FRMPD4: variants seen among roughly 807,000 people sequenced by gnomAD.
FRMPD4 encodes the protein FERM and PDZ domain-containing protein 4.
In FRMPD4, 22 loss-of-function variants were observed where a neutral mutation model predicts 94.1. That is an observed-to-expected ratio of 0.23 (90% CI 0.17 to 0.33). The LOEUF is 0.33. Among genes scored for constraint, FRMPD4 ranks in the 10% least tolerant of loss-of-function variants. The pLI is 1.00. For missense variants in FRMPD4, 1,111 were observed against 1,339.9 expected, an observed-to-expected ratio of 0.83 and a Z score of 2.67; for synonymous variants, 631 against 548.6, an observed-to-expected ratio of 1.15 and a Z score of -2.10.
intron 4 of FRMPD4, among the ~76,000 whole-genome samples, chrX:12,630,026 G>A (rs187822939): frequency 2.7e-4 from 31 of 112,816 alleles, no homozygotes; most frequent in Admixed American, 2.7e-3. Flanking sequence ...CACTGAAACT[G>A]AGAGTTTGGC....
At position 12,174,152 on chromosome X, in the gene FRMPD4, A is replaced by G. The variant is rs140474010; in HGVS notation, c.41+35140A>G. Among the ~76,000 whole-genome samples the G allele has an allele frequency of 7.5e-3, 841 of 112,104 alleles. 7 individuals carry two copies. Among genetic ancestry groups the G allele is most frequent in the African/African-American group, 0.027 (820 of 30,825 alleles). ...TTTGGGCCATATGGTCTCTTTCACA[A>G]CTATTCAACTCTGCCCATGTAGTGT... On this transcript the variant is annotated intron_variant, in intron 1 of 16. Coordinates refer to ENST00000675598, the MANE Select transcript of FRMPD4 (RefSeq NM_001368397.1).
intron 1 of FRMPD4, among the ~76,000 whole-genome samples, chrX:11,832,425 A>T (rs2053480408): frequency 8.9e-6 from 1 of 111,748 alleles, no homozygotes; most frequent in Non-Finnish European, 1.9e-5. Context: ...AGCACAGACG[A>T]GATGACCTTT....
chrX:12,670,943 C>T (rs1484818204), intron 4 of FRMPD4, among the ~76,000 whole-genome samples: 1 of 112,555 alleles, frequency 8.9e-6, no homozygotes, highest in Non-Finnish European at 1.9e-5. Flanking sequence ...TGAACAAACA[C>T]TTCTCAAAAG....
At chrX:12,235,095 C>T (rs945973071) in intron 1 of FRMPD4, among the ~76,000 whole-genome samples, 6 of 111,769 alleles carry the variant, frequency 5.4e-5, no homozygotes, top group Admixed American at 9.5e-5. Context: ...TTAATGTGTT[C>T]GTATTGCCAT....
intron 1 of FRMPD4, among the ~76,000 whole-genome samples, chrX:12,449,725 C>T (rs773317489): frequency 1.8e-4 from 20 of 111,615 alleles, no homozygotes; most frequent in East Asian, 2.8e-4. Context: ...GGGTGACTCA[C>T]GCCTCTAATT....
intron 1 of FRMPD4, among the ~76,000 whole-genome samples, chrX:12,378,630 A>T (rs1378539781): frequency 8.9e-6 from 1 of 112,370 alleles, no homozygotes; most frequent in East Asian, 2.8e-4. Flanking sequence ...GGAACATGTA[A>T]GCTGAGGGGA....
chrX:11,860,546 T>G (rs771779520), intron 1 of FRMPD4, among the ~76,000 whole-genome samples: 1 of 112,223 alleles, frequency 8.9e-6, no homozygotes, highest in South Asian at 3.7e-4. Context: ...TTAGAGCCAG[T>G]TGGCACCTGA....
intron 1 of FRMPD4, among the ~76,000 whole-genome samples, chrX:12,280,247 A>AAATAATAATAAT (rs374670611): frequency 0.035 from 3,573 of 102,141 alleles, 65 homozygotes; most frequent in Admixed American, 0.076. Context: ...GGCTGCTTTA[A>AAATAATAATAAT]AATAATAATA....
At position 12,710,424 on chromosome X, in the gene FRMPD4, C is replaced by T. The variant is rs759345370; in HGVS notation, c.1496C>T (p.Ser499Leu). The change falls in exon 14 of 17, where the codon TCA becomes TTA. Residue 499 changes from serine to leucine, a missense_variant. By Grantham distance (145) the Ser-to-Leu change is moderately radical. This residue lies in a region of FRMPD4 where 111 missense variants were observed against 160.7 expected (regional missense o/e 0.69). Transcript: ENST00000675598. ...CCTATCACGCTTCTGATGGAATCCT[C>T]AGATGCCATGAACCTGGCCTGCTTG... ...VKPITLLMES[S>L]DAMNLACLTA... 1.7e-6 allele frequency: 2 copies of T among 1,203,534 alleles called. No homozygotes were observed. The highest frequency in any genetic ancestry group is 2.3e-6 in the Non-Finnish European group (2 of 888,356).
intron 1 of FRMPD4, among the ~76,000 whole-genome samples, chrX:12,310,319 G>A (rs1489584871): frequency 1.8e-5 from 2 of 110,703 alleles, no homozygotes; most frequent in East Asian, 5.7e-4. Context: ...GGCAAGGACC[G>A]GCCATTTTCA....
intron 3 of FRMPD4, among the ~76,000 whole-genome samples, chrX:11,889,631 TA>T (rs2053863601): frequency 8.9e-6 from 1 of 112,450 alleles, no homozygotes; most frequent in Non-Finnish European, 1.9e-5. Flanking sequence ...CACAATGGCT[TA>T]AAACAACAAA....
At position 12,191,645 on chromosome X, in the gene FRMPD4, G is replaced by T. The variant is rs1033941856; in HGVS notation, c.41+52633G>T. On this transcript the variant is annotated intron_variant, in intron 1 of 16. Transcript: ENST00000675598. ...TAAATGAAATAAGCCAATGTGAGAA[G>T]GCTATAATACTGTGTGATTTCAACT... Among the ~76,000 whole-genome samples the T allele has an allele frequency of 2.8e-5, 3 of 106,859 alleles. No homozygotes were observed. The Admixed American group carries it at 3.1e-4, about 11-fold the overall frequency. 92.8% of individuals were successfully genotyped at this position (106,859 alleles called of 115,157 possible).
At chrX:12,357,225 T>G (rs2055908302) in intron 1 of FRMPD4, among the ~76,000 whole-genome samples, 1 of 112,044 alleles carries the variant, frequency 8.9e-6, no homozygotes, top group Non-Finnish European at 1.9e-5. Flanking sequence ...TTGGCACAAA[T>G]TATTAATATT....
Position 12,716,124 on chromosome X carries a change from C to A in FRMPD4, c.1665C>A (p.Pro555=). 2 of 1,205,250 alleles carry A rather than the reference C, an allele frequency of 1.7e-6. No homozygotes were observed. Among genetic ancestry groups the A allele is most frequent in the Non-Finnish European group, 2.2e-6 (2 of 891,229 alleles). ...TTGGCCCAGATTGGAACTGTATACC[C>A]CAAATGACCACCTTTATTGGCGAAG... ...NLLGPDWNCI[P]QMTTFIGEGE... is the part of the protein sequence containing the mutation. The change falls in exon 15 of 17, where the codon CCC becomes CCA. Residue 555 remains proline (P), a synonymous_variant. Coordinates refer to ENST00000675598, the MANE Select transcript of FRMPD4 (RefSeq NM_001368397.1).
At chrX:12,444,376 G>A (rs2057171955) in intron 1 of FRMPD4, among the ~76,000 whole-genome samples, 1 of 111,268 alleles carries the variant, frequency 9.0e-6, no homozygotes, top group Non-Finnish European at 1.9e-5. Context: ...TCTATGCAAA[G>A]AGGGCTGTAA....
At chrX:11,981,380 A>T in intron 3 of FRMPD4, among the ~76,000 whole-genome samples, 1 of 111,666 alleles carries the variant, frequency 9.0e-6, no homozygotes, top group Non-Finnish European at 1.9e-5. Flanking sequence ...TTTGATGCTC[A>T]ATTTTAGCCA....
intron 1 of FRMPD4, among the ~76,000 whole-genome samples, chrX:12,423,488 A>C (rs1267937880): frequency 1.8e-5 from 2 of 111,652 alleles, no homozygotes; most frequent in Non-Finnish European, 3.8e-5. Flanking sequence ...TGTGGGGATT[A>C]TGAGCTTTAA....
chrX:11,846,823 G>A (rs1324438533), intron 1 of FRMPD4, among the ~76,000 whole-genome samples: 1 of 110,915 alleles, frequency 9.0e-6, no homozygotes, highest in African/African-American at 3.3e-5. Flanking sequence ...AAACTGGCTA[G>A]CCATATGGAG....
At chrX:12,063,454 A>T (rs2054898635) in intron 3 of FRMPD4, among the ~76,000 whole-genome samples, 1 of 113,085 alleles carries the variant, frequency 8.8e-6, no homozygotes, top group Admixed American at 9.3e-5. Flanking sequence ...ATTGAAATTT[A>T]TCAAATGCTT....
Sources: allele counts gnomAD v4.1 joint callset (sites outside exome capture counted in the v4.1 genomes callset), GRCh38; gene constraint gnomAD v4.1.1; regional missense constraint gnomAD v4.1.1; transcripts MANE v1.5; gene names NCBI Gene and HGNC (gene_info 2026-07-23, HGNC 2026-07-21).